The following ZMIZ1 variants were observed in gnomAD, a reference collection of about 807,000 sequenced individuals.
The protein encoded by ZMIZ1 is zinc finger MIZ-type containing 1.
ZMIZ1 carries 17 observed loss-of-function variants against 113.9 expected under a neutral mutation model. That is an observed-to-expected ratio of 0.15 (90% CI 0.10 to 0.22). The LOEUF (loss-of-function observed/expected upper bound fraction) is 0.22. ZMIZ1 is among the 10% of genes least tolerant of loss of function. ZMIZ1 has a pLI of 1.00. For synonymous variants in ZMIZ1, 607 were observed against 603.1 expected, an observed-to-expected ratio of 1.01 and a Z score of -0.09; for missense variants, 1,059 against 1,477.8, an observed-to-expected ratio of 0.72 and a Z score of 4.65.
chr10:79,256,226 G>T (rs1477800198), intron 7 of ZMIZ1, among the ~76,000 whole-genome samples: 3 of 152,190 alleles, frequency 2.0e-5, no homozygotes, highest in Non-Finnish European at 4.4e-5. Context: ...CGGCAGAGGG[G>T]TGAATCTGAT....
chr10:79,275,428 G>T (rs1158142104), intron 7 of ZMIZ1, among the ~76,000 whole-genome samples: 1 of 152,232 alleles, frequency 6.6e-6, no homozygotes, highest in African/African-American at 2.4e-5. Context: ...TTGCCTTCTT[G>T]GTTGGGCATC....
At chr10:79,216,551 G>T (rs1476565146) in intron 7 of ZMIZ1, 1 of 303,584 alleles carries the variant, frequency 3.3e-6, no homozygotes, top group Non-Finnish European at 6.1e-6. Context: ...TGTGCTACAG[G>T]CAGGACCAGC....
chr10:79,263,994 C>T (rs1160839347), intron 7 of ZMIZ1, among the ~76,000 whole-genome samples: 1 of 152,206 alleles, frequency 6.6e-6, no homozygotes, highest in African/African-American at 2.4e-5. Context: ...CACATAACCC[C>T]TCCTTACCCT....
intron 3 of ZMIZ1, among the ~76,000 whole-genome samples, chr10:79,140,457 G>A (rs1045436627): frequency 7.2e-5 from 11 of 152,240 alleles, no homozygotes; most frequent in South Asian, 4.2e-4. Flanking sequence ...CTTTTACTTC[G>A]ACCGTACTGC....
chr10:79,116,144 C>T (rs1032499523), intron 1 of ZMIZ1, among the ~76,000 whole-genome samples: 11 of 152,096 alleles, frequency 7.2e-5, no homozygotes, highest in Admixed American at 2.0e-4. Flanking sequence ...TCAGCCCCAC[C>T]CTCCATCTCT....
At chr10:79,212,519 T>A (rs1339181887) in intron 6 of ZMIZ1, among the ~76,000 whole-genome samples, 1 of 152,104 alleles carries the variant, frequency 6.6e-6, no homozygotes, top group African/African-American at 2.4e-5. Flanking sequence ...CTCATGCCTA[T>A]AATCCCAAGC....
chr10:79,302,711 A>ATTTTTT (rs1854396786), intron 18 of ZMIZ1, among the ~76,000 whole-genome samples: 1 of 55,728 alleles, frequency 1.8e-5, no homozygotes, highest in South Asian at 7.1e-4. Flanking sequence ...TTTTTGAGAG[A>ATTTTTT]GAGAGAGAAT....
At chr10:79,217,175 G>A (rs1447872434) in intron 7 of ZMIZ1, among the ~76,000 whole-genome samples, 1 of 152,214 alleles carries the variant, frequency 6.6e-6, no homozygotes, top group African/African-American at 2.4e-5. Flanking sequence ...TGTAATCCCA[G>A]CACTTTGGGA....
intron 8 of ZMIZ1, among the ~76,000 whole-genome samples, chr10:79,286,451 C>T (rs537891105): frequency 4.7e-4 from 71 of 152,370 alleles, no homozygotes; most frequent in Middle Eastern, 3.4e-3. Context: ...CCTGTCGGTG[C>T]GGCTGCCACT....
At chr10:79,211,382 G>A (rs1848523181) in intron 6 of ZMIZ1, among the ~76,000 whole-genome samples, 2 of 152,026 alleles carry the variant, frequency 1.3e-5, no homozygotes, top group African/African-American at 4.8e-5. Context: ...CGGAATGTGG[G>A]AGGTAGGTCC....
At chr10:79,197,640 A>T (rs1338021201) in intron 4 of ZMIZ1, among the ~76,000 whole-genome samples, 1 of 150,090 alleles carries the variant, frequency 6.7e-6, no homozygotes, top group Non-Finnish European at 1.5e-5. Flanking sequence ...ACACACACAC[A>T]CACCTGTACC....
At chr10:79,210,429 G>A (rs976637325) in intron 6 of ZMIZ1, among the ~76,000 whole-genome samples, 6 of 152,248 alleles carry the variant, frequency 3.9e-5, no homozygotes, top group Admixed American at 1.3e-4. Context: ...GGGCTGGCCT[G>A]CCAGGGGGAG....
At position 79,296,727 on chromosome 10, in the gene ZMIZ1, A is replaced by T. The variant is rs545559683; in HGVS notation, c.1413+74A>T. ...ACCTCACTCCCCTAACTCCACCGGG[A>T]TCACTCTGACCCTGCGTGTGTTTGC... On this transcript the variant is annotated intron_variant, in intron 13 of 24. Coordinates refer to ENST00000334512, the MANE Select transcript of ZMIZ1 (RefSeq NM_020338.4). The surrounding 1 kb of genome is among the most constrained non-coding windows in gnomAD (Gnocchi z 4.1). 2.8e-4 allele frequency: 392 copies of T among 1,425,368 alleles called. 2 individuals are homozygous for T. In the South Asian group the frequency reaches 4.1e-3, roughly 15 times the overall value. The allele number at this position is 1,425,368 out of a possible 1,614,324, so 88.3% of individuals were successfully genotyped here.
chr10:79,084,813 G>A (rs1188145891), intron 1 of ZMIZ1, among the ~76,000 whole-genome samples: 1 of 133,722 alleles, frequency 7.5e-6, no homozygotes, highest in Non-Finnish European at 1.6e-5. Flanking sequence ...ATTGAACTGG[G>A]ATTCTTGTGA....
chr10:79,312,783 T>C lies in ZMIZ1; in HGVS notation c.*34T>C. ...CGGTCGGGGCCATCCCTCCACACTC[T>C]GCATCCTACCCCACCTACCCAACAC... On this transcript the variant is annotated 3_prime_UTR_variant, in exon 25 of 25. Transcript: ENST00000334512. 4 of 1,595,306 alleles carry C rather than the reference T, an allele frequency of 2.5e-6. No homozygotes were observed. The highest frequency in any genetic ancestry group is 1.3e-5 in the African/African-American group (1 of 74,682).
chr10:79,273,711 T>C (rs1589537470), intron 7 of ZMIZ1, among the ~76,000 whole-genome samples: 1 of 152,242 alleles, frequency 6.6e-6, no homozygotes, highest in African/African-American at 2.4e-5. Context: ...ACACCCCAGA[T>C]TGGAAGGGGC....
In ZMIZ1 at chr10:79,118,211, A is replaced by G. The variant is rs562395873; in HGVS notation, c.-336-704A>G. Among the ~76,000 whole-genome samples the G allele has an allele frequency of 6.6e-6, 1 of 152,274 alleles. No homozygotes were observed. The highest frequency in any genetic ancestry group is 1.9e-4 in the East Asian group (1 of 5,186). On this transcript the variant is annotated intron_variant, in intron 1 of 24. Transcript: ENST00000334512. This position sits in a 1 kb window ranked among gnomAD's most constrained non-coding sequence, Gnocchi z 4.1. ...TCATCAATCTGACCCCATATTCTAGAATCGAATAGAGGAAGGGATGGGGGG... is the reference window on the plus strand; with the variant it reads ...TCATCAATCTGACCCCATATTCTAGGATCGAATAGAGGAAGGGATGGGGGG...
intron 4 of ZMIZ1, among the ~76,000 whole-genome samples, chr10:79,175,600 G>GTA (rs1564699173): frequency 2.2e-4 from 24 of 109,134 alleles, no homozygotes; most frequent in African/African-American, 2.9e-4. Flanking sequence ...GTGTGTGTGT[G>GTA]TGTGTGTGTG....
chr10:79,296,706 C>T lies in ZMIZ1; in HGVS notation c.1413+53C>T. The T allele has an allele frequency of 6.7e-7, 1 of 1,483,654 alleles. No individual in the cohort carries two copies. Among genetic ancestry groups the T allele is most frequent in the East Asian group, 2.4e-5 (1 of 42,334 alleles). The allele number at this position is 1,483,654 out of a possible 1,614,324, so 91.9% of individuals were successfully genotyped here. ...GGGGCCCCTTCCCTCCTAACCACCT[C>T]ACTCCCCTAACTCCACCGGGATCAC... On this transcript the variant is annotated intron_variant, in intron 13 of 24. Coordinates refer to ENST00000334512, the MANE Select transcript of ZMIZ1 (RefSeq NM_020338.4). This position sits in a 1 kb window ranked among gnomAD's most constrained non-coding sequence, Gnocchi z 4.1.
Sources: gnomAD v4.1 joint callset for allele counts (sites outside exome capture counted in the v4.1 genomes callset) on GRCh38, gnomAD v4.1.1 for gene constraint, Gnocchi (gnomAD v3.1) non-coding constraint, MANE v1.5 for transcripts, NCBI Gene and HGNC (gene_info 2026-07-23, HGNC 2026-07-21) for gene names.